The following CGGBP1 variants were observed in gnomAD, a reference collection of about 807,000 sequenced individuals.
The protein encoded by CGGBP1 is CGG triplet repeat binding protein 1.
A neutral mutation model predicts 11.4 loss-of-function variants in CGGBP1; 4 were observed. That is an observed-to-expected ratio of 0.35 (90% CI 0.17 to 0.80). The LOEUF (loss-of-function observed/expected upper bound fraction) is 0.80. CGGBP1 is among the 30% of genes least tolerant of loss of function. The pLI, the probability that CGGBP1 is intolerant of heterozygous loss-of-function variation, is 0.52. For missense variants in CGGBP1, 135 were observed against 202.1 expected, an observed-to-expected ratio of 0.67 and a Z score of 2.01; for synonymous variants, 76 against 74.1, an observed-to-expected ratio of 1.03 and a Z score of -0.13.
At chr3:88,089,065 G>A (rs921125347) in intron 2 of CGGBP1, among the ~76,000 whole-genome samples, 3 of 151,086 alleles carry the variant, frequency 2.0e-5, no homozygotes, top group Non-Finnish European at 2.9e-5. Context: ...GAGCTACCAC[G>A]CCTGACCTAA....
In CGGBP1 at chr3:88,055,135, A is replaced by C. The variant is rs1401761423; in HGVS notation, c.*338T>G. On this transcript the variant is annotated 3_prime_UTR_variant, in exon 4 of 4. Coordinates refer to ENST00000482016, the MANE Select transcript of CGGBP1 (RefSeq NM_001008390.2). The surrounding 1 kb of genome is among the most constrained non-coding windows in gnomAD (Gnocchi z 4.2). ...ATCCAAGTAATTAAGTAATCTCACA[A>C]GGAATAATCATACATGGCAACAGGG... The C allele has an allele frequency of 2.2e-5, 4 of 181,864 alleles. No homozygotes were observed. Among genetic ancestry groups the C allele is most frequent in the African/African-American group, 7.0e-5 (3 of 42,728 alleles). The allele number at this position is 181,864 out of a possible 1,614,324, so 11.3% of individuals were successfully genotyped here.
At chr3:88,103,981 C>G (rs552252294) in intron 2 of CGGBP1, among the ~76,000 whole-genome samples, 34 of 151,966 alleles carry the variant, frequency 2.2e-4, no homozygotes, top group Non-Finnish European at 4.4e-4. Flanking sequence ...CGGCTGGTCT[C>G]GAACTCCTTA....
chr3:88,101,971 A>AT (rs953602725), intron 2 of CGGBP1, among the ~76,000 whole-genome samples: 2 of 151,656 alleles, frequency 1.3e-5, no homozygotes, highest in East Asian at 1.9e-4. Context: ...AATCTATCAA[A>AT]TTTTTTTGCC....
At chr3:88,130,538 A>T (rs1281010259) in intron 2 of CGGBP1, among the ~76,000 whole-genome samples, 6 of 151,672 alleles carry the variant, frequency 4.0e-5, no homozygotes, top group African/African-American at 1.5e-4. Flanking sequence ...TGCAGCCTCA[A>T]CTTCTGGGCT....
At chr3:88,119,054 T>A (rs1705592950) in intron 2 of CGGBP1, among the ~76,000 whole-genome samples, 2 of 149,576 alleles carry the variant, frequency 1.3e-5, no homozygotes, top group African/African-American at 5.0e-5. Flanking sequence ...CAAAGGACTA[T>A]AAATCATGCT....
intron 2 of CGGBP1, among the ~76,000 whole-genome samples, chr3:88,107,337 A>G (rs1302067139): frequency 1.3e-5 from 2 of 152,190 alleles, no homozygotes; most frequent in Non-Finnish European, 2.9e-5. Context: ...TCGTTAGCCT[A>G]TATATTTACT....
chr3:88,097,162 T>G (rs1392931164), intron 2 of CGGBP1, among the ~76,000 whole-genome samples: 1 of 152,152 alleles, frequency 6.6e-6, no homozygotes, highest in Non-Finnish European at 1.5e-5. Context: ...ACAAGGGTAT[T>G]TGTATATCTT....
intron 2 of CGGBP1, among the ~76,000 whole-genome samples, chr3:88,084,477 T>C (rs375826693): frequency 2.0e-5 from 3 of 152,332 alleles, no homozygotes; most frequent in Admixed American, 1.3e-4. Flanking sequence ...TTTTAGTCTG[T>C]AGTGATGACC....
At chr3:88,091,468 T>C (rs889909663) in intron 2 of CGGBP1, among the ~76,000 whole-genome samples, 1 of 152,210 alleles carries the variant, frequency 6.6e-6, no homozygotes, top group African/African-American at 2.4e-5. Flanking sequence ...TTTTTCCCTC[T>C]TTCATCTATA....
At chr3:88,102,817 CTTTTTTTTT>C (rs10701359) in intron 2 of CGGBP1, among the ~76,000 whole-genome samples, 4 of 106,532 alleles carry the variant, frequency 3.8e-5, no homozygotes, top group Admixed American at 1.1e-4. Context: ...CCTCTACTGT[CTTTTTTTTT>C]TTTTTTTTTT....
intron 2 of CGGBP1, among the ~76,000 whole-genome samples, chr3:88,070,352 A>G (rs1237374822): frequency 6.6e-6 from 1 of 152,174 alleles, no homozygotes; most frequent in Non-Finnish European, 1.5e-5. Flanking sequence ...CAGCCATAAA[A>G]AATGATCTTT....
At chr3:88,129,677 C>T (rs1453445235) in intron 2 of CGGBP1, 35 of 1,439,332 alleles carry the variant, frequency 2.4e-5, no homozygotes, top group Non-Finnish European at 2.9e-5. Flanking sequence ...TTTCTCTTTT[C>T]CTCTTACAGC....
chr3:88,122,760 A>G (rs1377287155), intron 2 of CGGBP1, among the ~76,000 whole-genome samples: 1 of 152,138 alleles, frequency 6.6e-6, no homozygotes, highest in Non-Finnish European at 1.5e-5. Flanking sequence ...CTGTAATCCC[A>G]GCACTTTGGG....
chr3:88,106,014 G>A lies in CGGBP1; in HGVS notation c.-229+34956C>T, dbSNP rs1331419518. The stretch of plus-strand genomic sequence containing the variant: ...GATCTAGCCTTCTTCCTCTCCAGAG[G>A]ATGTGGCATTCACCGTGCCATCTTC... On this transcript the variant is annotated intron_variant, in intron 2 of 3. Transcript: ENST00000462901. 2.0e-5 allele frequency among the ~76,000 whole-genome samples: 3 copies of A among 152,156 alleles called. No homozygotes were observed. In the East Asian group the frequency reaches 5.8e-4, roughly 29 times the overall value.
At position 88,108,331 on chromosome 3, in the gene CGGBP1, C is replaced by T. The variant is rs141599661; in HGVS notation, c.-229+32639G>A. Among the ~76,000 whole-genome samples the T allele has an allele frequency of 5.4e-3, 814 of 151,880 alleles. 5 individuals are homozygous for T. The highest frequency in any genetic ancestry group is 0.017 in the African/African-American group (699 of 41,408). ...TTTTAGTCAAGGCAAGCTATTTTAT[C>T]TAGCATTTTAATTGTTTTCAGAGGG... On this transcript the variant is annotated intron_variant, in intron 2 of 3. Transcript: ENST00000462901.
At chr3:88,063,283 T>A (rs1020735890), upstream of CGGBP1, among the ~76,000 whole-genome samples, 1 of 152,178 alleles carries the variant, frequency 6.6e-6, no homozygotes, top group Non-Finnish European at 1.5e-5. Flanking sequence ...ACTTTGGGAC[T>A]CTTAGTGGGT....
intron 2 of CGGBP1, among the ~76,000 whole-genome samples, chr3:88,082,250 C>A (rs1211059429): frequency 6.6e-6 from 1 of 152,064 alleles, no homozygotes; most frequent in Non-Finnish European, 1.5e-5. Context: ...CCTCAGCCTC[C>A]CAAGTAGCTA....
chr3:88,080,247 A>G (rs1331191551), intron 2 of CGGBP1, among the ~76,000 whole-genome samples: 4 of 152,104 alleles, frequency 2.6e-5, no homozygotes, highest in Non-Finnish European at 4.4e-5. Context: ...AAAAGTGAGT[A>G]AAATTTGTTG....
At chr3:88,081,688 C>T (rs1159025877) in intron 2 of CGGBP1, among the ~76,000 whole-genome samples, 1 of 152,156 alleles carries the variant, frequency 6.6e-6, no homozygotes, top group Non-Finnish European at 1.5e-5. Flanking sequence ...TTCTCATATC[C>T]TGTTGTTTTT....
Sources: gnomAD v4.1 joint callset for allele counts (sites outside exome capture counted in the v4.1 genomes callset) on GRCh38, gnomAD v4.1.1 for gene constraint, Gnocchi (gnomAD v3.1) non-coding constraint, MANE v1.5 for transcripts, NCBI Gene and HGNC (gene_info 2026-07-23, HGNC 2026-07-21) for gene names.